DERA: variants seen among roughly 807,000 people sequenced by gnomAD.
DERA encodes 2-deoxy-D-ribose 5-phosphate aldolase.
A neutral mutation model predicts 41.1 loss-of-function variants in DERA; 15 were observed. That is an observed-to-expected ratio of 0.37 (90% CI 0.24 to 0.56). The LOEUF (loss-of-function observed/expected upper bound fraction) is 0.56. DERA is among the 20% of genes least tolerant of loss of function. The pLI is 0.81. For synonymous variants in DERA, 139 were observed against 137.4 expected (o/e 1.01, Z -0.08); for missense variants, 396 against 403.4 (o/e 0.98, Z 0.16).
chr12:15,960,441 C>T (rs1592020368), intron 4 of DERA, among the ~76,000 whole-genome samples: 1 of 150,982 alleles, frequency 6.6e-6, no homozygotes, highest in Admixed American at 6.6e-5. Flanking sequence ...AGTACGAGAC[C>T]AGCCTGGCCA....
At position 15,931,297 on chromosome 12, in the gene DERA, G is replaced by T. The variant is rs970268699; in HGVS notation, c.31+19883G>T. On this transcript the variant is annotated intron_variant, in intron 1 of 8. Transcript: ENST00000428559. The surrounding 1 kb of genome is among the most constrained non-coding windows in gnomAD (Gnocchi z 4.6). Reference sequence around the variant, plus strand: ...TGGACATTCTAAAATTTTAATTTTGGAAAGTTCTTCATCTAGTAGTTTTCA... The same window carrying T: ...TGGACATTCTAAAATTTTAATTTTGTAAAGTTCTTCATCTAGTAGTTTTCA... Among the ~76,000 whole-genome samples, 2 of 152,160 alleles carry T rather than the reference G, an allele frequency of 1.3e-5. No homozygotes were observed. Among genetic ancestry groups the T allele is most frequent in the African/African-American group, 4.8e-5 (2 of 41,438 alleles).
At position 15,984,246 on chromosome 12, in the gene DERA, G is replaced by T. The variant is rs1283933769; in HGVS notation, c.637+1810G>T. On this transcript the variant is annotated intron_variant, in intron 6 of 8. Transcript: ENST00000428559. This position sits in a 1 kb window ranked among gnomAD's most constrained non-coding sequence, Gnocchi z 4.5. ...CACAATGAAAGTGTATTCATTCTGGGAGGTCAGCCAACCCTGTCCTACGCA... is the reference window on the plus strand; with the variant it reads ...CACAATGAAAGTGTATTCATTCTGGTAGGTCAGCCAACCCTGTCCTACGCA... Among the ~76,000 whole-genome samples, 1 of 152,098 alleles carries T rather than the reference G, an allele frequency of 6.6e-6. No homozygotes were observed. The highest frequency in any genetic ancestry group is 6.5e-5 in the Admixed American group (1 of 15,270).
At position 15,995,773 on chromosome 12, in the gene DERA, G is replaced by A. The variant is rs1948832624; in HGVS notation, c.637+13337G>A. 6.6e-6 allele frequency among the ~76,000 whole-genome samples: 1 copy of A among 152,192 alleles called. No individual in the cohort carries two copies. The highest frequency in any genetic ancestry group is 1.5e-5 in the Non-Finnish European group (1 of 68,036). On this transcript the variant is annotated intron_variant, in intron 6 of 8. Coordinates refer to ENST00000428559, the MANE Select transcript of DERA (RefSeq NM_015954.4). This position sits in a 1 kb window ranked among gnomAD's most constrained non-coding sequence, Gnocchi z 5.1. ...CCTTCTCATGAAGAGTGGTTGGAAA[G>A]AAAGTGGACATCTAATTAGGAGGAG...
intron 1 of DERA, among the ~76,000 whole-genome samples, chr12:15,929,376 G>A (rs1948311042): frequency 6.6e-6 from 1 of 152,198 alleles, no homozygotes; most frequent in Non-Finnish European, 1.5e-5. Flanking sequence ...CACCCAGCAG[G>A]TGGTGATTTC....
chr12:15,958,493 CA>C (rs1011358977), intron 3 of DERA, among the ~76,000 whole-genome samples, 158 bp downstream of exon 3: 96 of 147,676 alleles, frequency 6.5e-4, no homozygotes, highest in African/African-American at 2.3e-3. Context: ...CTCTGAAAAA[CA>C]GCAGGAAGAG....
intron 1 of DERA, among the ~76,000 whole-genome samples, chr12:15,939,080 C>T (rs531340584): frequency 2.0e-5 from 3 of 152,264 alleles, no homozygotes; most frequent in African/African-American, 7.2e-5. Flanking sequence ...TTTGGGTGCT[C>T]TGAGCTGCCT....
chr12:15,919,115 T>C (rs1948223146), intron 1 of DERA, among the ~76,000 whole-genome samples: 1 of 152,232 alleles, frequency 6.6e-6, no homozygotes, highest in Non-Finnish European at 1.5e-5. Flanking sequence ...TCTTTTACTT[T>C]TTGCTTGTAA....
chr12:15,962,623 C>A, intron 4 of DERA, 190 bp from the exon 5 acceptor site: 1 of 476,968 alleles, frequency 2.1e-6, no homozygotes, highest in Non-Finnish European at 3.7e-6. Flanking sequence ...CATTCAATTT[C>A]TTCACACTTA....
At chr12:15,964,022 GTA>G (rs1215678796) in intron 5 of DERA, among the ~76,000 whole-genome samples, 1 of 152,146 alleles carries the variant, frequency 6.6e-6, no homozygotes, top group Non-Finnish European at 1.5e-5. Context: ...CCAGGGGTAG[GTA>G]TTTCAGGGGT....
chr12:15,981,513 A>G lies in DERA; in HGVS notation c.509-795A>G, dbSNP rs561115083. Among the ~76,000 whole-genome samples the G allele has an allele frequency of 1.3e-3, 195 of 152,346 alleles. 1 individual carries two copies. Among genetic ancestry groups the G allele is most frequent in the African/African-American group, 4.4e-3 (182 of 41,588 alleles). ...AATTCACTAGTATCATTGACAAAAG[A>G]CTTAAATAATTTTTTAAAGATTTAA... On this transcript the variant is annotated intron_variant, in intron 5 of 8. Coordinates refer to ENST00000428559, the MANE Select transcript of DERA (RefSeq NM_015954.4). The surrounding 1 kb of genome is among the most constrained non-coding windows in gnomAD (Gnocchi z 6.1).
intron 6 of DERA, among the ~76,000 whole-genome samples, chr12:16,027,055 CAATT>C (rs1458796968): frequency 6.6e-6 from 1 of 152,072 alleles, no homozygotes; most frequent in East Asian, 1.9e-4. Context: ...ATGATTATAT[CAATT>C]GATACTGACA....
Position 15,990,023 on chromosome 12 carries a change from G to A in DERA, c.637+7587G>A, listed in dbSNP as rs1328720101. On this transcript the variant is annotated intron_variant, in intron 6 of 8. Coordinates refer to ENST00000428559, the MANE Select transcript of DERA (RefSeq NM_015954.4). The surrounding 1 kb of genome is among the most constrained non-coding windows in gnomAD (Gnocchi z 4.3). The stretch of plus-strand genomic sequence containing the variant: ...TAATCTGGTTATCAATTCAAATGCA[G>A]CAAGGTATGTGAGTGCATCATAAAC... 6.6e-6 allele frequency among the ~76,000 whole-genome samples: 1 copy of A among 152,182 alleles called. No homozygotes were observed. The highest frequency in any genetic ancestry group is 2.4e-5 in the African/African-American group (1 of 41,434).
In DERA at chr12:15,943,741, T is replaced by TTTATTTA. The variant is rs1565590662; in HGVS notation, c.32-13195_32-13194insTTATTTA. ...TATTTATTTATTTATTTATTTATTTTATTATACTTTAAGTTCTAGGATACA... is the reference window on the plus strand; with the variant it reads ...TATTTATTTATTTATTTATTTATTTTTTATTTAATTATACTTTAAGTTCTAGGATACA... On this transcript the variant is annotated intron_variant, in intron 1 of 8. Transcript: ENST00000428559. The surrounding 1 kb of genome is among the most constrained non-coding windows in gnomAD (Gnocchi z 4.5). Among the ~76,000 whole-genome samples the TTTATTTA allele has an allele frequency of 5.6e-5, 6 of 106,980 alleles. No homozygotes were observed. Among genetic ancestry groups the TTTATTTA allele is most frequent in the Non-Finnish European group, 8.6e-5 (4 of 46,300 alleles). 70.2% of individuals were successfully genotyped at this position (106,980 alleles called of 152,430 possible).
rs1351383547 is a variant in DERA at position 15,936,886 on chromosome 12, T to TTGTCTTGTCC, written c.32-20046_32-20045insTTGTCCTGTC. ...TTGTCTTGTCTTGTCTTGTCTTGTC[T>TTGTCTTGTCC]TGTCCTGTCCTGTCCTGTCCTGTCC... On this transcript the variant is annotated intron_variant, in intron 1 of 8. Coordinates refer to ENST00000428559, the MANE Select transcript of DERA (RefSeq NM_015954.4). This position sits in a 1 kb window ranked among gnomAD's most constrained non-coding sequence, Gnocchi z 4.6. 0.018 allele frequency among the ~76,000 whole-genome samples: 2,512 copies of TTGTCTTGTCC among 136,596 alleles called. 20 individuals carry two copies. The highest frequency in any genetic ancestry group is 0.053 in the East Asian group (249 of 4,708). The allele number at this position is 136,596 out of a possible 152,430, so 89.6% of individuals were successfully genotyped here. A position where few individuals can be genotyped will look rare whatever the true frequency, so the allele number is the denominator to read the frequency against.
In DERA at chr12:15,949,332, G is replaced by A. The variant is rs934706508; in HGVS notation, c.32-7604G>A. ...CAGAGGCAGGCAGGCCTCCTGGAGC[G>A]GTGGTGGGCTACACCCAGTTCGAGC... On this transcript the variant is annotated intron_variant, in intron 1 of 8. Coordinates refer to ENST00000428559, the MANE Select transcript of DERA (RefSeq NM_015954.4). Among the ~76,000 whole-genome samples the A allele has an allele frequency of 6.6e-5, 10 of 152,150 alleles. 1 individual carries two copies. The highest frequency in any genetic ancestry group is 4.6e-4 in the Admixed American group (7 of 15,276).
intron 1 of DERA, among the ~76,000 whole-genome samples, chr12:15,929,917 A>G (rs1442394138): frequency 6.6e-6 from 1 of 152,200 alleles, no homozygotes; most frequent in African/African-American, 2.4e-5. Flanking sequence ...GTATTTAATT[A>G]CCTGTAGCTT....
chr12:16,034,656 T>C (rs910029665), intron 7 of DERA, among the ~76,000 whole-genome samples: 5 of 152,178 alleles, frequency 3.3e-5, no homozygotes, highest in African/African-American at 7.2e-5. Flanking sequence ...TAAAATGCGA[T>C]AGGCTAGCTT....
intron 1 of DERA, among the ~76,000 whole-genome samples, chr12:15,946,338 G>T (rs536632316): frequency 6.6e-6 from 1 of 152,282 alleles, no homozygotes; most frequent in East Asian, 1.9e-4. Context: ...GTAGAATTCG[G>T]CTGTGAATCT....
At chr12:15,950,541 G>T (rs1394064422) in intron 1 of DERA, among the ~76,000 whole-genome samples, 1 of 152,146 alleles carries the variant, frequency 6.6e-6, no homozygotes, top group Non-Finnish European at 1.5e-5. Flanking sequence ...TAACCATCTG[G>T]GAATGCAGCC....
Sources: gnomAD v4.1 joint callset for allele counts (sites outside exome capture counted in the v4.1 genomes callset) on GRCh38, gnomAD v4.1.1 for gene constraint, Gnocchi (gnomAD v3.1) non-coding constraint, MANE v1.5 for transcripts, NCBI Gene and HGNC (gene_info 2026-07-23, HGNC 2026-07-21) for gene names.